NSF: variants seen among roughly 807,000 people sequenced by gnomAD.
NSF encodes the protein N-ethylmaleimide sensitive factor, vesicle fusing ATPase, also known as vesicle-fusing ATPase.
In NSF, 14 loss-of-function variants were observed where a neutral mutation model predicts 50.3. That is an observed-to-expected ratio of 0.28 (90% confidence interval 0.18 to 0.44). NSF has a LOEUF of 0.44. Among genes scored for constraint, NSF ranks in the 20% least tolerant of loss-of-function variants. The pLI is 1.00. For synonymous variants in NSF, 109 were observed against 175.7 expected (o/e 0.62, Z 3.00); for missense variants, 218 against 504.3 (o/e 0.43, Z 5.44).
chr17:46,751,340 T>G (rs575522267), intron 18 of NSF, among the ~76,000 whole-genome samples, 163 bp from the exon 19 acceptor site: 1 of 152,306 alleles, frequency 6.6e-6, no homozygotes, highest in African/African-American at 2.4e-5. Flanking sequence ...CCTAATGGGT[T>G]TAGGATGGTG....
At chr17:46,695,229 G>A (rs955632425) in intron 12 of NSF, among the ~76,000 whole-genome samples, 12 of 141,416 alleles carry the variant, frequency 8.5e-5, no homozygotes, top group Middle Eastern at 3.5e-3. Context: ...CTGGGTGACA[G>A]AGCGAGATTC....
intron 17 of NSF, among the ~76,000 whole-genome samples, chr17:46,730,837 G>T (rs568030861): frequency 1.3e-5 from 2 of 152,280 alleles, no homozygotes; most frequent in Admixed American, 6.5e-5. Flanking sequence ...TCAGAGAAAT[G>T]CAAGTCAGAA....
In NSF at chr17:46,673,908, GGGGT is replaced by G. The variant is rs1462032368; in HGVS notation, c.746-504_746-501del. ...TGTTATGGCTGAATAGTATTCCATG[GGGGT>G]GTGTGTGTGTGTGTGTGTGTGTGTG... On this transcript the variant is annotated intron_variant, in intron 8 of 20. Transcript: ENST00000398238. 1.3e-3 allele frequency among the ~76,000 whole-genome samples: 4 copies of G among 3,078 alleles called. 1 individual carries two copies. The highest frequency in any genetic ancestry group is 1.5e-3 in the African/African-American group (4 of 2,744). 2.0% of individuals were successfully genotyped at this position (3,078 alleles called of 152,430 possible). A position where few individuals can be genotyped will look rare whatever the true frequency, so the allele number is the denominator to read the frequency against.
At chr17:46,726,507 G>A (rs774265329) in intron 15 of NSF, 42 bp from the exon 16 acceptor site, 3 of 1,571,996 alleles carry the variant, frequency 1.9e-6, no homozygotes, top group Non-Finnish European at 2.6e-6. Context: ...TGTCGTAACT[G>A]TGGAGGACAG....
chr17:46,710,295 C>T (rs776928509), intron 13 of NSF, among the ~76,000 whole-genome samples: 1 of 152,040 alleles, frequency 6.6e-6, no homozygotes, highest in Non-Finnish European at 1.5e-5. Flanking sequence ...GGAGGTATAA[C>T]CTTTGAGATT....
chr17:46,704,507 CTTCT>C (rs2058639352), intron 12 of NSF, among the ~76,000 whole-genome samples: 1 of 127,556 alleles, frequency 7.8e-6, no homozygotes, highest in African/African-American at 3.1e-5. Context: ...ATTTGTATAT[CTTCT>C]TTGGAGAAAT....
chr17:46,755,244 T>TC, intron 19 of NSF, 70 bp from the exon 20 acceptor site: 1 of 1,185,250 alleles, frequency 8.4e-7, no homozygotes. Flanking sequence ...AACACTGCCT[T>TC]CTCATGAAGC....
intron 12 of NSF, 33 bp from the exon 13 acceptor site, chr17:46,704,726 A>T (rs1309105309): frequency 6.3e-7 from 1 of 1,593,848 alleles, no homozygotes; most frequent in Non-Finnish European, 8.5e-7. Context: ...TAAATCTTGG[A>T]AGTCCTTACA....
At chr17:46,712,247 A>G (rs1035267213) in intron 14 of NSF, among the ~76,000 whole-genome samples, 10 of 152,200 alleles carry the variant, frequency 6.6e-5, no homozygotes, top group East Asian at 3.8e-4. Context: ...ATTATTGTCA[A>G]TCATAATTAT....
intron 17 of NSF, among the ~76,000 whole-genome samples, chr17:46,739,005 G>A (rs2059038055): frequency 6.6e-6 from 1 of 151,918 alleles, no homozygotes; most frequent in African/African-American, 2.4e-5. Flanking sequence ...GGAGGCCAAG[G>A]CAGGAGGATC....
rs2059164421 is a variant in NSF, at chr17:46,749,789, T to C, written c.1925T>C (p.Ile642Thr). 2 of 1,613,908 alleles carry C rather than the reference T, an allele frequency of 1.2e-6. No homozygotes were observed. Among genetic ancestry groups the C allele is most frequent in the African/African-American group, 1.3e-5 (1 of 74,938 alleles). Residue 642 changes from isoleucine (I) to threonine (T), a missense_variant, in exon 18 of 21, where the codon ATC becomes ACC. Around this residue, in one of 2 missense-constraint regions of NSF, gnomAD observed 209 missense variants for 320.9 expected, o/e 0.65. Transcript: ENST00000398238. Reference sequence around the variant, plus strand: ...TATGATCAGGGCCGCAAGCTTCTTATCATTGGGACCACTAGCCGCAAAGAT... The same window carrying C: ...TATGATCAGGGCCGCAAGCTTCTTACCATTGGGACCACTAGCCGCAAAGAT... The part of the protein sequence containing the change: ...KAPPQGRKLL[I>T]IGTTSRKDVL...
chr17:46,725,070 C>T (rs1320581975), intron 15 of NSF, among the ~76,000 whole-genome samples: 1 of 151,986 alleles, frequency 6.6e-6, no homozygotes, highest in Admixed American at 6.6e-5. Flanking sequence ...ACAGCACTTG[C>T]CATCTGAGGG....
At chr17:46,714,081 C>A in intron 15 of NSF, 95 bp downstream of exon 15, 1 of 1,295,322 alleles carries the variant, frequency 7.7e-7, no homozygotes. Context: ...CATATAAACC[C>A]ATAGCAACTA....
At chr17:46,708,794 A>T (rs2058684438) in intron 13 of NSF, among the ~76,000 whole-genome samples, 1 of 105,048 alleles carries the variant, frequency 9.5e-6, no homozygotes, top group Non-Finnish European at 2.0e-5. Flanking sequence ...GCACTTGGCC[A>T]CCATTTATTT....
intron 17 of NSF, among the ~76,000 whole-genome samples, chr17:46,736,344 A>C (rs945297193): frequency 6.6e-6 from 1 of 152,152 alleles, no homozygotes; most frequent in Admixed American, 6.5e-5. Flanking sequence ...TTGTGGCTGA[A>C]GTTCCCCTTT....
intron 12 of NSF, among the ~76,000 whole-genome samples, chr17:46,697,611 AG>A (rs2058608980): frequency 7.0e-6 from 1 of 142,606 alleles, no homozygotes; most frequent in African/African-American, 2.7e-5. Flanking sequence ...TTCTAGCTCA[AG>A]AATGCCAAAG....
chr17:46,755,410 C>A, intron 20 of NSF, 41 bp downstream of exon 20: 1 of 1,488,468 alleles, frequency 6.7e-7, no homozygotes, highest in Non-Finnish European at 9.4e-7. Context: ...ACCAAACTTA[C>A]CACCCTGTTA....
chr17:46,747,176 A>G (rs1410727937), intron 17 of NSF, among the ~76,000 whole-genome samples: 1 of 152,232 alleles, frequency 6.6e-6, no homozygotes, highest in African/African-American at 2.4e-5. Flanking sequence ...CAATCACCAG[A>G]CACTTGAGGA....
At chr17:46,713,802 C>G in intron 14 of NSF, 51 bp from the exon 15 acceptor site, 2 of 1,577,952 alleles carry the variant, frequency 1.3e-6, no homozygotes, top group Non-Finnish European at 1.7e-6. Context: ...GTTTTATTTC[C>G]CTTTGCTTAG....
Sources: gnomAD v4.1 joint callset for allele counts (sites outside exome capture counted in the v4.1 genomes callset) on GRCh38, gnomAD v4.1.1 for gene constraint, gnomAD v4.1.1 regional missense constraint, MANE v1.5 for transcripts, NCBI Gene and HGNC (gene_info 2026-07-23, HGNC 2026-07-21) for gene names.